MAPKBP1: variants seen among roughly 807,000 people sequenced by gnomAD.
The protein encoded by MAPKBP1 is mitogen-activated protein kinase binding protein 1, also known as mitogen-activated protein kinase-binding protein 1.
Under a neutral mutation model 170.5 loss-of-function variants are expected in MAPKBP1, and 71 were observed. The observed-to-expected ratio is 0.42, with a 90% CI of 0.34 to 0.51. The LOEUF is 0.51. MAPKBP1 is among the 20% of genes least tolerant of loss of function. The pLI is 0.06. For missense variants in MAPKBP1, 1,598 were observed against 1,933.0 expected, an observed-to-expected ratio of 0.83 and a Z score of 3.25; for synonymous variants, 719 against 757.9, an observed-to-expected ratio of 0.95 and a Z score of 0.84.
Position 41,818,683 on chromosome 15 carries a change from T to TA in MAPKBP1, c.2156+103dup, listed in dbSNP as rs1241324924. The TA allele has an allele frequency of 1.3e-6, 2 of 1,501,680 alleles. No individual in the cohort carries two copies. The highest frequency in any genetic ancestry group is 4.6e-5 in the East Asian group (2 of 43,422). The allele number at this position is 1,501,680 out of a possible 1,614,324, so 93.0% of individuals were successfully genotyped here. A position where few individuals can be genotyped will look rare whatever the true frequency, so the allele number is the denominator to read the frequency against. On this transcript the variant is annotated intron_variant, in intron 19 of 30. Transcript: ENST00000457542. This position sits in a 1 kb window ranked among gnomAD's most constrained non-coding sequence, Gnocchi z 5.2. ...CAGTGATGTCTCTGGGAAGTGGGGT[T>TA]AACAGGGATAGCTTTTGGCTGTGCT...
chr15:41,823,923 C>T lies in MAPKBP1; in HGVS notation c.4075C>T (p.Pro1359Ser). ...GACAGAGTGCCAGGCTCATCCTGGG[C>T]CCAGCAGCCCCTGTGCCCAGCAACT... ...PRTECQAHPG[P>S]SSPCAQQLPV... is the part of the protein sequence containing the mutation. Residue 1359 changes from proline (P) to serine (S), a missense_variant, in exon 29 of 31, where the codon CCC (proline) becomes TCC (serine). By Grantham distance (74) the Pro-to-Ser change is moderately conservative (BLOSUM62 -1). This residue lies in a region of MAPKBP1 where 942 missense variants were observed against 953.2 expected (regional missense o/e 0.99). Transcript: ENST00000457542. The T allele has an allele frequency of 6.2e-7, 1 of 1,614,088 alleles. No homozygotes were observed. The highest frequency in any genetic ancestry group is 1.1e-5 in the South Asian group (1 of 91,082).
chr15:41,819,547 C>CGGGGGGGGGGGGGG (rs3034893), intron 21 of MAPKBP1, 48 bp from the exon 22 acceptor site: 2 of 1,235,894 alleles, frequency 1.6e-6, no homozygotes, highest in African/African-American at 1.8e-5. Context: ...GGTTGGGTGG[C>CGGGGGGGGGGGGGG]GGGGGGGGGG....
At chr15:41,777,853 A>T (rs1363129610) in intron 2 of MAPKBP1, among the ~76,000 whole-genome samples, 3 of 152,242 alleles carry the variant, frequency 2.0e-5, no homozygotes, top group Non-Finnish European at 2.9e-5. Flanking sequence ...AAAAAGGTAC[A>T]TGCCCCTTTT....
At chr15:41,775,529 T>C in intron 2 of MAPKBP1, 140 bp downstream of exon 2, 1 of 670,870 alleles carries the variant, frequency 1.5e-6, no homozygotes, top group Non-Finnish European at 2.6e-6. Context: ...CTGCAGGCAA[T>C]GATTTGGTTT....
Position 41,786,777 on chromosome 15 carries a change from A to AAAAAAAAT in MAPKBP1, c.114+11389_114+11390insAAAAAATA. 1.2e-4 allele frequency among the ~76,000 whole-genome samples: 4 copies of AAAAAAAAT among 32,468 alleles called. No individual in the cohort carries two copies. The East Asian group carries it at 3.1e-3, about 25-fold the overall frequency. The allele number at this position is 32,468 out of a possible 152,430, so 21.3% of individuals were successfully genotyped here. Reference sequence around the variant, plus strand: ...CAGACTCCGTCTAAAAAAAAAAAAAAATATATATATATATATATATATATA... The same window carrying AAAAAAAAT: ...CAGACTCCGTCTAAAAAAAAAAAAAAAAAAAAATATATATATATATATATATATATATA... On this transcript the variant is annotated intron_variant, in intron 2 of 30. Transcript: ENST00000457542.
In MAPKBP1 at chr15:41,807,708, T is replaced by A. The variant is rs116368989; in HGVS notation, c.207-3175T>A. ...ATGATAGTGGCAGGCCTGGGGCTATTACTTTTCATATACTGCATAAAGTAT... is the reference window on the plus strand; with the variant it reads ...ATGATAGTGGCAGGCCTGGGGCTATAACTTTTCATATACTGCATAAAGTAT... On this transcript the variant is annotated intron_variant, in intron 3 of 30. Transcript: ENST00000457542. 4.9e-3 allele frequency among the ~76,000 whole-genome samples: 748 copies of A among 152,326 alleles called. 5 individuals are homozygous for A. Among genetic ancestry groups the A allele is most frequent in the African/African-American group, 0.017 (714 of 41,566 alleles).
rs561524153 is a variant in MAPKBP1, at chr15:41,779,444, C to T, written c.114+4055C>T. ...CAGGCTGGTCTCAAACTCCTGACCTCGTGATCTGCCTGCCTCAGCCTCCCA... is the reference window on the plus strand; with the variant it reads ...CAGGCTGGTCTCAAACTCCTGACCTTGTGATCTGCCTGCCTCAGCCTCCCA... On this transcript the variant is annotated intron_variant, in intron 2 of 30. Transcript: ENST00000457542. 2.8e-4 allele frequency among the ~76,000 whole-genome samples: 42 copies of T among 152,194 alleles called. No homozygotes were observed. The South Asian group carries it at 8.5e-3, about 31-fold the overall frequency.
intron 2 of MAPKBP1, among the ~76,000 whole-genome samples, chr15:41,782,899 T>C (rs963133453): frequency 1.3e-5 from 2 of 152,202 alleles, no homozygotes; most frequent in African/African-American, 4.8e-5. Context: ...GATCCATCAC[T>C]CAGTAACCCT....
rs536955373 is a variant in MAPKBP1 at position 41,811,329 on chromosome 15, T to G, written c.327+94T>G. 7.6e-5 allele frequency: 106 copies of G among 1,395,688 alleles called. 1 individual carries two copies. The highest frequency in any genetic ancestry group is 6.4e-4 in the Admixed American group (37 of 57,682). The allele number at this position is 1,395,688 out of a possible 1,614,324, so 86.5% of individuals were successfully genotyped here. ...GTCCTAGGCCTGCTGTCACTTTGGC[T>G]TCTGAAACAGACACCAAATCCTGGT... On this transcript the variant is annotated intron_variant, in intron 5 of 30. Transcript: ENST00000457542.
rs774616068 is a variant in MAPKBP1 at position 41,813,773 on chromosome 15, C to T, written c.972C>T (p.Thr324=). 69 of 1,596,072 alleles carry T rather than the reference C, an allele frequency of 4.3e-5. No homozygotes were observed. The highest frequency in any genetic ancestry group is 5.2e-5 in the Non-Finnish European group (61 of 1,171,158). Residue 324 remains threonine (T), a synonymous_variant, in exon 9 of 31, where the codon ACC becomes ACT. Transcript: ENST00000457542. Reference sequence around the variant, plus strand: ...TGGGGACAGACATTGCTAGCGTCACCGAGGCCAGGTGAGCTATGTGGGCCC... The same window carrying T: ...TGGGGACAGACATTGCTAGCGTCACTGAGGCCAGGTGAGCTATGTGGGCCC... The part of the protein sequence containing the change: ...HALGTDIASV[T]EASRLFSGVA...
At chr15:41,799,788 G>T in intron 2 of MAPKBP1, 35 bp from the exon 3 acceptor site, 1 of 1,567,062 alleles carries the variant, frequency 6.4e-7, no homozygotes, top group Non-Finnish European at 8.8e-7. Flanking sequence ...AACACACTCT[G>T]TCTGTAACAT....
Position 41,826,244 on chromosome 15 carries a change from G to A in MAPKBP1, c.*808G>A, listed in dbSNP as rs959380036. The stretch of plus-strand genomic sequence containing the variant: ...CTGTCCTCCACCCTGGACCCCAGCC[G>A]GCTGCTGGAGCCCAGAGGCCACCTT... On this transcript the variant is annotated 3_prime_UTR_variant, in exon 31 of 31. Transcript: ENST00000457542. The A allele has an allele frequency of 6.5e-6, 1 of 152,778 alleles. No individual in the cohort carries two copies. The highest frequency in any genetic ancestry group is 2.4e-5 in the African/African-American group (1 of 41,408). 9.5% of individuals were successfully genotyped at this position (152,778 alleles called of 1,614,324 possible). A position where few individuals can be genotyped will look rare whatever the true frequency, so the allele number is the denominator to read the frequency against.
chr15:41,798,334 G>A (rs1261393758), intron 2 of MAPKBP1, among the ~76,000 whole-genome samples: 1 of 150,838 alleles, frequency 6.6e-6, no homozygotes, highest in East Asian at 2.0e-4. Context: ...CCAGGCTGGA[G>A]TGCAATGGCG....
At chr15:41,778,199 A>T (rs751342804) in intron 2 of MAPKBP1, among the ~76,000 whole-genome samples, 1 of 152,268 alleles carries the variant, frequency 6.6e-6, no homozygotes, top group South Asian at 2.1e-4. Flanking sequence ...TAATTTAAAG[A>T]TGTCAAATAT....
intron 2 of MAPKBP1, among the ~76,000 whole-genome samples, chr15:41,789,142 C>A (rs1014106027): frequency 6.6e-6 from 1 of 152,128 alleles, no homozygotes; most frequent in African/African-American, 2.4e-5. Context: ...AGTTAATATT[C>A]TCACTGGTTA....
chr15:41,808,209 C>T (rs2064737379), intron 3 of MAPKBP1, among the ~76,000 whole-genome samples: 1 of 149,916 alleles, frequency 6.7e-6, no homozygotes. Flanking sequence ...TGGGTTCACG[C>T]CATTCTCCTG....
At position 41,817,847 on chromosome 15, in the gene MAPKBP1, T is replaced by A. The variant is rs556758666; in HGVS notation, c.1904+112T>A. The stretch of plus-strand genomic sequence containing the variant: ...TTCTGTACAGGACTTTGTACCCCCT[T>A]GAGCCTACAGTACTTTGCTTCACCC... On this transcript the variant is annotated intron_variant, in intron 16 of 30. Transcript: ENST00000457542. This position sits in a 1 kb window ranked among gnomAD's most constrained non-coding sequence, Gnocchi z 4.2. 6.4e-7 allele frequency: 1 copy of A among 1,568,686 alleles called. No individual in the cohort carries two copies. Among genetic ancestry groups the A allele is most frequent in the African/African-American group, 1.3e-5 (1 of 74,284 alleles).
At chr15:41,792,127 T>C (rs1174464611) in intron 2 of MAPKBP1, among the ~76,000 whole-genome samples, 1 of 149,988 alleles carries the variant, frequency 6.7e-6, no homozygotes. Flanking sequence ...CAGTCCTGTC[T>C]CTTGCCTCTA....
intron 3 of MAPKBP1, among the ~76,000 whole-genome samples, chr15:41,801,677 G>T (rs1298969067): frequency 6.6e-6 from 1 of 152,090 alleles, no homozygotes; most frequent in Non-Finnish European, 1.5e-5. Context: ...TTGAAACCCT[G>T]TCTCTACTAA....
Sources: allele counts gnomAD v4.1 joint callset (sites outside exome capture counted in the v4.1 genomes callset), GRCh38; gene constraint gnomAD v4.1.1; regional missense constraint gnomAD v4.1.1; non-coding constraint Gnocchi (gnomAD v3.1); transcripts MANE v1.5; gene names NCBI Gene and HGNC (gene_info 2026-07-23, HGNC 2026-07-21).